The following LARGE1 variants were observed in gnomAD, a reference collection of about 807,000 sequenced individuals.
LARGE1 encodes LARGE xylosyl- and glucuronyltransferase 1.
A neutral mutation model predicts 87.6 loss-of-function variants in LARGE1; 43 were observed. That is an observed-to-expected ratio of 0.49 (90% CI 0.38 to 0.63). The LOEUF is 0.63. Among genes scored for constraint, LARGE1 ranks in the 30% least tolerant of loss-of-function variants. LARGE1 has a pLI of 0.00. For synonymous variants in LARGE1, 434 were observed against 394.6 expected (o/e 1.10, Z -1.18); for missense variants, 802 against 1,000.2 (o/e 0.80, Z 2.67).
intron 1 of LARGE1, among the ~76,000 whole-genome samples, chr22:33,888,727 C>A (rs933917725): frequency 6.6e-6 from 1 of 151,704 alleles, no homozygotes; most frequent in Non-Finnish European, 1.5e-5. Flanking sequence ...CATGGTGGTG[C>A]GTGCCTGTAA....
intron 6 of LARGE1, among the ~76,000 whole-genome samples, chr22:33,555,563 G>A (rs2077650760): frequency 6.6e-6 from 1 of 152,156 alleles, no homozygotes; most frequent in Non-Finnish European, 1.5e-5. Context: ...ATGATCTGGA[G>A]GAGCAGCATT....
chr22:33,225,378 T>G (rs1925681929), intron 11 of LARGE1, among the ~76,000 whole-genome samples: 1 of 152,232 alleles, frequency 6.6e-6, no homozygotes, highest in South Asian at 2.1e-4. Context: ...GCATTTACAA[T>G]GTGCTGGGCA....
chr22:33,900,943 A>G (rs757707877), intron 1 of LARGE1, among the ~76,000 whole-genome samples: 6 of 152,278 alleles, frequency 3.9e-5, no homozygotes, highest in African/African-American at 1.4e-4. Flanking sequence ...CCTACTCGGG[A>G]GGCTGAGGCA....
intron 7 of LARGE1, among the ~76,000 whole-genome samples, chr22:33,393,802 T>C (rs2065618344): frequency 1.3e-5 from 2 of 152,366 alleles, no homozygotes; most frequent in East Asian, 3.9e-4. Flanking sequence ...GGGATGCATG[T>C]GACCCGCAGC....
chr22:33,847,418 T>C (rs1436938458), intron 1 of LARGE1, among the ~76,000 whole-genome samples: 1 of 152,260 alleles, frequency 6.6e-6, no homozygotes, highest in Non-Finnish European at 1.5e-5. Context: ...CAACTACCAT[T>C]GTTCTGAAAC....
chr22:33,408,482 C>T (rs11912605), intron 7 of LARGE1, among the ~76,000 whole-genome samples: 17 of 152,194 alleles, frequency 1.1e-4, no homozygotes, highest in African/African-American at 4.1e-4. Context: ...GTTTCATTAT[C>T]AGGCATATAA....
intron 1 of LARGE1, among the ~76,000 whole-genome samples, chr22:33,791,317 T>C (rs2085817223): frequency 6.6e-6 from 1 of 152,112 alleles, no homozygotes; most frequent in Non-Finnish European, 1.5e-5. Context: ...GTCTCAAGAA[T>C]TAAAAAAGCA....
At chr22:33,742,758 T>C (rs2083933838) in intron 2 of LARGE1, among the ~76,000 whole-genome samples, 4 of 152,208 alleles carry the variant, frequency 2.6e-5, no homozygotes, top group Admixed American at 2.6e-4. Flanking sequence ...TAAAAAGGCA[T>C]CCCTATCTTT....
At chr22:33,885,729 T>C (rs567210167) in intron 1 of LARGE1, among the ~76,000 whole-genome samples, 2 of 152,168 alleles carry the variant, frequency 1.3e-5, no homozygotes, top group South Asian at 4.2e-4. Context: ...AAGTTTCTCA[T>C]AAAAGATCAT....
At chr22:33,915,157 G>A (rs1342288069) in intron 1 of LARGE1, among the ~76,000 whole-genome samples, 1 of 152,036 alleles carries the variant, frequency 6.6e-6, no homozygotes, top group Admixed American at 6.6e-5. Flanking sequence ...TTACAACTGT[G>A]ATTTTCCACA....
chr22:33,420,954 G>A lies in LARGE1; in HGVS notation c.892+11207C>T, dbSNP rs561930183. Reference sequence around the variant, plus strand: ...TGTAATCTCAGCAGTTTGGGAGGCCGAGGGGGGTGAATCACCTGAGGTCAG... The same window carrying A: ...TGTAATCTCAGCAGTTTGGGAGGCCAAGGGGGGTGAATCACCTGAGGTCAG... On this transcript the variant is annotated intron_variant, in intron 7 of 14. Coordinates refer to ENST00000397394, the MANE Select transcript of LARGE1 (RefSeq NM_133642.5). Among the ~76,000 whole-genome samples the A allele has an allele frequency of 9.2e-4, 140 of 152,290 alleles. 1 individual carries two copies. Among genetic ancestry groups the A allele is most frequent in the Middle Eastern group, 3.4e-3 (1 of 294 alleles).
chr22:33,912,057 T>C (rs2065653711), intron 1 of LARGE1, among the ~76,000 whole-genome samples: 1 of 152,146 alleles, frequency 6.6e-6, no homozygotes, highest in African/African-American at 2.4e-5. Flanking sequence ...TGAAGAAAGG[T>C]AAAGCCCCAC....
chr22:33,461,345 T>C (rs2068375464), intron 6 of LARGE1, among the ~76,000 whole-genome samples: 2 of 152,160 alleles, frequency 1.3e-5, no homozygotes, highest in South Asian at 4.1e-4. Flanking sequence ...TTTCCCTTTC[T>C]TCCCTTTAAA....
chr22:33,558,183 C>T (rs529094762), intron 6 of LARGE1, among the ~76,000 whole-genome samples: 1 of 152,322 alleles, frequency 6.6e-6, no homozygotes, highest in South Asian at 2.1e-4. Context: ...AGGGGGCACA[C>T]TGGGCCAGCC....
intron 9 of LARGE1, among the ~76,000 whole-genome samples, chr22:33,345,184 C>A (rs1365159757): frequency 6.6e-6 from 1 of 152,192 alleles, no homozygotes; most frequent in East Asian, 1.9e-4. Flanking sequence ...TTACTCTTTA[C>A]ACAACTCTAT....
chr22:33,547,041 A>C (rs549307011), intron 6 of LARGE1, among the ~76,000 whole-genome samples: 6 of 135,680 alleles, frequency 4.4e-5, no homozygotes, highest in Admixed American at 3.2e-4. Context: ...AGTATTATTT[A>C]ACCTTTTTAA....
chr22:33,096,074 C>T, the LARGE1 span, among the ~76,000 whole-genome samples: 863 of 152,246 alleles, frequency 5.7e-3, 12 homozygotes, highest in African/African-American at 0.02. Flanking sequence ...AGTCCCACTT[C>T]CTCCACTCTG....
chr22:33,433,607 C>CAAAAAAAAAAAAAAAAA (rs57605083), intron 6 of LARGE1, among the ~76,000 whole-genome samples: 20 of 88,270 alleles, frequency 2.3e-4, no homozygotes, highest in Non-Finnish European at 3.3e-4. Context: ...AAAAACAAAA[C>CAAAAAAAAAAAAAAAAA]AAAAAAAAAA....
chr22:33,315,292 C>T (rs1256318267), intron 11 of LARGE1, among the ~76,000 whole-genome samples: 1 of 152,164 alleles, frequency 6.6e-6, no homozygotes, highest in Non-Finnish European at 1.5e-5. Flanking sequence ...TTATACAACT[C>T]CCGAGGTGAT....
Sources: gnomAD v4.1 joint callset for allele counts (sites outside exome capture counted in the v4.1 genomes callset) on GRCh38, gnomAD v4.1.1 for gene constraint, MANE v1.5 for transcripts, NCBI Gene and HGNC (gene_info 2026-07-23, HGNC 2026-07-21) for gene names.